The following DUSP16 variants were observed in gnomAD, a reference collection of about 807,000 sequenced individuals.
The protein encoded by DUSP16 is dual specificity protein phosphatase 16.
Under a neutral mutation model 58.3 loss-of-function variants are expected in DUSP16, and 21 were observed. The observed-to-expected ratio is 0.36, with a 90% CI of 0.26 to 0.52. The LOEUF (loss-of-function observed/expected upper bound fraction) is 0.52, where lower values mean the gene tolerates loss of function less well. DUSP16 is among the 20% of genes least tolerant of loss of function. The pLI, the probability that DUSP16 is intolerant of heterozygous loss-of-function variation, is 0.94. For synonymous variants in DUSP16, 320 were observed against 323.8 expected, an observed-to-expected ratio of 0.99 and a Z score of 0.12; for missense variants, 726 against 819.0, an observed-to-expected ratio of 0.89 and a Z score of 1.39.
intron 1 of DUSP16, among the ~76,000 whole-genome samples, chr12:12,543,942 T>C (rs1944602268): frequency 6.6e-6 from 1 of 151,996 alleles, no homozygotes; most frequent in Non-Finnish European, 1.5e-5. Context: ...TACAATCTTG[T>C]ATGCCACTTA....
intron 1 of DUSP16, among the ~76,000 whole-genome samples, chr12:12,554,993 T>C (rs1944786974): frequency 6.6e-6 from 1 of 152,238 alleles, no homozygotes; most frequent in African/African-American, 2.4e-5. Context: ...CGAGGAATTT[T>C]CTTTTCCACC....
intron 1 of DUSP16, among the ~76,000 whole-genome samples, chr12:12,539,893 A>G (rs1260697285): frequency 6.6e-6 from 1 of 152,076 alleles, no homozygotes; most frequent in East Asian, 1.9e-4. Flanking sequence ...TCTACTAAAA[A>G]ATACGAAAAA....
rs934730872 is a variant in DUSP16, at chr12:12,491,770, G to A, written c.532-4583C>T. 5.3e-5 allele frequency among the ~76,000 whole-genome samples: 8 copies of A among 152,172 alleles called. 1 individual carries two copies. The highest frequency in any genetic ancestry group is 4.6e-4 in the Admixed American group (7 of 15,290). The stretch of plus-strand genomic sequence containing the variant: ...TCTCACTCTCATGAGATCTAGCCTG[G>A]TCTCTGTCATTACCAATTACCACAA... On this transcript the variant is annotated intron_variant, in intron 4 of 6. Coordinates refer to ENST00000298573, the MANE Select transcript of DUSP16 (RefSeq NM_030640.3).
chr12:12,518,118 G>A (rs995688795), intron 3 of DUSP16, among the ~76,000 whole-genome samples: 1 of 152,228 alleles, frequency 6.6e-6, no homozygotes, highest in African/African-American at 2.4e-5. Flanking sequence ...CTACTTGACC[G>A]AGATGTTGAG....
At chr12:12,540,130 T>TA (rs34452441) in intron 1 of DUSP16, among the ~76,000 whole-genome samples, 31,281 of 139,692 alleles carry the variant, frequency 0.22, 4,061 homozygotes, top group Non-Finnish European at 0.29. Flanking sequence ...GACTCTACTT[T>TA]AAAAAAAAAA....
intron 1 of DUSP16, among the ~76,000 whole-genome samples, chr12:12,547,457 C>CAAAA (rs202208136): frequency 7.5e-5 from 6 of 80,438 alleles, no homozygotes; most frequent in South Asian, 7.9e-4. Context: ...CAAAAAAAAG[C>CAAAA]AAAAAAAAAA....
At chr12:12,559,504 A>C (rs1206164135) in intron 1 of DUSP16, among the ~76,000 whole-genome samples, 1 of 152,212 alleles carries the variant, frequency 6.6e-6, no homozygotes, top group Non-Finnish European at 1.5e-5. Context: ...AACTTAATGC[A>C]TTTTAAAAAC....
At chr12:12,525,538 A>G (rs1265312312) in intron 1 of DUSP16, among the ~76,000 whole-genome samples, 1 of 152,014 alleles carries the variant, frequency 6.6e-6, no homozygotes, top group Non-Finnish European at 1.5e-5. Context: ...TGCTGGGATT[A>G]CAGGTGTGAG....
chr12:12,548,958 A>G (rs550267370), intron 1 of DUSP16, among the ~76,000 whole-genome samples: 1 of 152,332 alleles, frequency 6.6e-6, no homozygotes, highest in Non-Finnish European at 1.5e-5. Context: ...CTAGGGTGAC[A>G]GACCCCAAGC....
intron 1 of DUSP16, among the ~76,000 whole-genome samples, chr12:12,561,510 G>A (rs1944902144): frequency 6.6e-6 from 1 of 152,174 alleles, no homozygotes; most frequent in Non-Finnish European, 1.5e-5. Flanking sequence ...TGCAGCTAGT[G>A]TAAATAAAGA....
intron 4 of DUSP16, among the ~76,000 whole-genome samples, chr12:12,498,770 A>T (rs1464125952): frequency 6.6e-6 from 1 of 152,108 alleles, no homozygotes; most frequent in Non-Finnish European, 1.5e-5. Flanking sequence ...CTTATTTCTC[A>T]CCATCCTTGC....
chr12:12,478,190 A>T (rs915926618), intron 6 of DUSP16, among the ~76,000 whole-genome samples, 175 bp from the exon 7 acceptor site: 4 of 152,290 alleles, frequency 2.6e-5, no homozygotes, highest in African/African-American at 9.6e-5. Context: ...GGCCCTAGGC[A>T]CTGGGGAAGC....
In DUSP16 at chr12:12,497,992, A is replaced by G. The variant is rs1943854105; in HGVS notation, c.531+2527T>C. 2.6e-5 allele frequency among the ~76,000 whole-genome samples: 4 copies of G among 151,980 alleles called. No individual in the cohort carries two copies. In the South Asian group the frequency reaches 8.3e-4, roughly 31 times the overall value. ...TCAAAGAAACAAAACAAAACAAAAC[A>G]AAACAAAACACTAATAATATTAGTG... On this transcript the variant is annotated intron_variant, in intron 4 of 6. Transcript: ENST00000298573.
At chr12:12,555,698 T>C (rs993887703) in intron 1 of DUSP16, among the ~76,000 whole-genome samples, 7 of 152,302 alleles carry the variant, frequency 4.6e-5, no homozygotes, top group Admixed American at 3.9e-4. Flanking sequence ...CAAGTCAGAT[T>C]AACTTTTATT....
Position 12,476,625 on chromosome 12 carries a change from C to A in DUSP16, c.*208G>T. ...GGGGGGATTCTAGCATCTGCCCTTCCATTTTTGTTGAGAGAAGTATTAGCT... is the reference window on the plus strand; with the variant it reads ...GGGGGGATTCTAGCATCTGCCCTTCAATTTTTGTTGAGAGAAGTATTAGCT... On this transcript the variant is annotated 3_prime_UTR_variant, in exon 7 of 7. Coordinates refer to ENST00000298573, the MANE Select transcript of DUSP16 (RefSeq NM_030640.3). The A allele has an allele frequency of 2.0e-6, 1 of 490,394 alleles. No individual in the cohort carries two copies. The highest frequency in any genetic ancestry group is 3.5e-6 in the Non-Finnish European group (1 of 282,744). 30.4% of individuals were successfully genotyped at this position (490,394 alleles called of 1,614,324 possible). A position where few individuals can be genotyped will look rare whatever the true frequency, so the allele number is the denominator to read the frequency against.
chr12:12,527,538 T>C (rs1944323526), intron 1 of DUSP16, among the ~76,000 whole-genome samples: 1 of 152,172 alleles, frequency 6.6e-6, no homozygotes, highest in Admixed American at 6.5e-5. Flanking sequence ...CACCATGGCA[T>C]GTGTATACCT....
Position 12,542,278 on chromosome 12 carries a change from C to G in DUSP16, c.-366+19839G>C, listed in dbSNP as rs552061267. Among the ~76,000 whole-genome samples the G allele has an allele frequency of 1.3e-4, 20 of 150,944 alleles. No individual in the cohort carries two copies. In the East Asian group the frequency reaches 3.7e-3, roughly 28 times the overall value. The stretch of plus-strand genomic sequence containing the variant: ...ATCCCAGCTACTCAGGAGGCTGAGG[C>G]AGGAGAATCCCTTGAACCTGGGAGG... On this transcript the variant is annotated intron_variant, in intron 1 of 6. Transcript: ENST00000298573.
intron 1 of DUSP16, among the ~76,000 whole-genome samples, chr12:12,556,926 ATCTTT>A (rs1316318989): frequency 6.6e-6 from 1 of 152,182 alleles, no homozygotes; most frequent in Non-Finnish European, 1.5e-5. Context: ...TTGTCTGTAC[ATCTTT>A]TCTTTTGTAT....
chr12:12,525,697 A>C (rs2136236459), intron 1 of DUSP16, among the ~76,000 whole-genome samples: 1 of 151,660 alleles, frequency 6.6e-6, no homozygotes, highest in East Asian at 2.0e-4. Flanking sequence ...ACACAGTGAG[A>C]CCCTATCTCT....
Sources: allele counts gnomAD v4.1 joint callset (sites outside exome capture counted in the v4.1 genomes callset), GRCh38; gene constraint gnomAD v4.1.1; transcripts MANE v1.5; gene names NCBI Gene and HGNC (gene_info 2026-07-23, HGNC 2026-07-21).